Variants in AGMO observed in about 807,000 individuals in gnomAD.
The protein encoded by AGMO is glyceryl-ether monooxygenase.
In AGMO, 75 loss-of-function variants were observed where a neutral mutation model predicts 60.2. The observed-to-expected ratio is 1.25, with a 90% confidence interval of 1.03 to 1.51. The LOEUF (loss-of-function observed/expected upper bound fraction) is 1.51. Ranked by LOEUF, AGMO falls within the 40% of genes most tolerant of loss-of-function variation. The pLI is 0.00. For synonymous variants in AGMO, 261 were observed against 177.1 expected (o/e 1.47, Z -3.76); for missense variants, 763 against 525.5 (o/e 1.45, Z -4.42).
chr7:15,330,814 T>G (rs1238516947), intron 12 of AGMO, among the ~76,000 whole-genome samples: 1 of 151,584 alleles, frequency 6.6e-6, no homozygotes, highest in African/African-American at 2.4e-5. Flanking sequence ...CTCTCCTTAT[T>G]TTTTTTTAAT....
At chr7:15,380,985 G>A (rs925926827) in intron 10 of AGMO, among the ~76,000 whole-genome samples, 1 of 152,138 alleles carries the variant, frequency 6.6e-6, no homozygotes, top group African/African-American at 2.4e-5. Context: ...GCCATATGCA[G>A]AAGATTCAAA....
intron 3 of AGMO, among the ~76,000 whole-genome samples, chr7:15,485,160 A>AG: frequency 6.7e-6 from 1 of 150,332 alleles, no homozygotes; most frequent in South Asian, 2.1e-4. Context: ...AAAAAAAAAA[A>AG]GAAAAACATT....
the AGMO span, among the ~76,000 whole-genome samples, chr7:15,176,287 T>G: frequency 6.6e-6 from 1 of 151,942 alleles, no homozygotes; most frequent in African/African-American, 2.4e-5. Flanking sequence ...TGATGAAGAC[T>G]GGAATATAGA....
chr7:15,407,815 G>C (rs1337438948), intron 5 of AGMO, among the ~76,000 whole-genome samples: 3 of 151,762 alleles, frequency 2.0e-5, no homozygotes, highest in Non-Finnish European at 4.4e-5. Flanking sequence ...ATGAGAGAGA[G>C]AGTTAAGCAA....
At chr7:15,528,575 G>A (rs1202038970) in intron 3 of AGMO, among the ~76,000 whole-genome samples, 5 of 152,096 alleles carry the variant, frequency 3.3e-5, no homozygotes, top group African/African-American at 1.2e-4. Flanking sequence ...TTTGCAGAGA[G>A]TTCAGAAGAC....
At chr7:15,237,469 G>A (rs773259683) in intron 12 of AGMO, among the ~76,000 whole-genome samples, 11 of 151,750 alleles carry the variant, frequency 7.2e-5, no homozygotes, top group African/African-American at 2.4e-4. Context: ...AATATACTTC[G>A]GTTAGACCTA....
intron 10 of AGMO, among the ~76,000 whole-genome samples, chr7:15,369,454 G>A (rs1783115057): frequency 6.6e-6 from 1 of 152,010 alleles, no homozygotes; most frequent in Non-Finnish European, 1.5e-5. Context: ...AAATTTTCCT[G>A]TTCCTGGACA....
In AGMO at chr7:15,446,231, C is replaced by T. The variant is rs1485098692; in HGVS notation, c.410-15123G>A. ...AGTGCAATGTGAATTTGGGCAGCCACAAATCTATTCATAGATAACAAGACA... is the reference window on the plus strand; with the variant it reads ...AGTGCAATGTGAATTTGGGCAGCCATAAATCTATTCATAGATAACAAGACA... On this transcript the variant is annotated intron_variant, in intron 3 of 12. Coordinates refer to ENST00000342526, the MANE Select transcript of AGMO (RefSeq NM_001004320.2). 2.0e-5 allele frequency among the ~76,000 whole-genome samples: 3 copies of T among 152,120 alleles called. No individual in the cohort carries two copies. The East Asian group carries it at 5.8e-4, about 29-fold the overall frequency.
chr7:15,434,371 C>A (rs1781339547), intron 3 of AGMO, among the ~76,000 whole-genome samples: 1 of 152,102 alleles, frequency 6.6e-6, no homozygotes, highest in Admixed American at 6.6e-5. Context: ...GATTTAGTGA[C>A]TTTCTTCTAG....
At chr7:15,198,006 T>A (rs28532162), downstream of AGMO, among the ~76,000 whole-genome samples, 2 of 152,070 alleles carry the variant, frequency 1.3e-5, no homozygotes, top group African/African-American at 2.4e-5. Flanking sequence ...TAACAGCTCC[T>A]AACAGGATTG....
At chr7:15,220,647 G>A (rs1781891726) in intron 12 of AGMO, among the ~76,000 whole-genome samples, 1 of 151,632 alleles carries the variant, frequency 6.6e-6, no homozygotes, top group South Asian at 2.1e-4. Context: ...TATAAATCCA[G>A]TAATATTTTA....
chr7:15,366,385 T>C (rs1269379762), intron 10 of AGMO, among the ~76,000 whole-genome samples, 163 bp from the exon 11 acceptor site: 5 of 152,156 alleles, frequency 3.3e-5, no homozygotes, highest in Non-Finnish European at 7.4e-5. Context: ...TTTGGTTTTC[T>C]TAATGTCTTT....
At chr7:15,371,447 A>G (rs1208226203) in intron 10 of AGMO, among the ~76,000 whole-genome samples, 1 of 151,612 alleles carries the variant, frequency 6.6e-6, no homozygotes, top group African/African-American at 2.4e-5. Context: ...CTGGAGTGCA[A>G]TGGCGCCATC....
At chr7:15,494,188 C>T (rs904838984) in intron 3 of AGMO, among the ~76,000 whole-genome samples, 10 of 152,050 alleles carry the variant, frequency 6.6e-5, no homozygotes, top group East Asian at 1.9e-4. Context: ...CTTAAGACAA[C>T]AAGAAAGGGG....
intron 3 of AGMO, among the ~76,000 whole-genome samples, chr7:15,539,839 G>A (rs1053843177): frequency 6.6e-6 from 1 of 152,116 alleles, no homozygotes; most frequent in African/African-American, 2.4e-5. Context: ...TCTGACTAGT[G>A]TAAGAAGGTA....
chr7:15,329,240 C>T (rs1208528949), intron 12 of AGMO, among the ~76,000 whole-genome samples: 2 of 152,118 alleles, frequency 1.3e-5, no homozygotes, highest in South Asian at 2.1e-4. Flanking sequence ...TTAATTGTTT[C>T]GGTATACTAA....
chr7:15,349,658 G>A (rs995710177), intron 12 of AGMO, among the ~76,000 whole-genome samples: 1 of 152,082 alleles, frequency 6.6e-6, no homozygotes, highest in Non-Finnish European at 1.5e-5. Context: ...ACTCAAGACT[G>A]GGTAATTTAT....
the AGMO span, among the ~76,000 whole-genome samples, chr7:15,123,139 T>G: frequency 1.3e-5 from 2 of 152,056 alleles, no homozygotes; most frequent in African/African-American, 2.4e-5. Context: ...TTCCCAAATA[T>G]CTGCATAATC....
chr7:15,229,255 T>C (rs1212354421), intron 12 of AGMO, among the ~76,000 whole-genome samples: 1 of 152,232 alleles, frequency 6.6e-6, no homozygotes, highest in East Asian at 1.9e-4. Context: ...AATTTTATCA[T>C]GTCTATAACC....
Sources: gnomAD v4.1 joint callset for allele counts (sites outside exome capture counted in the v4.1 genomes callset) on GRCh38, gnomAD v4.1.1 for gene constraint, MANE v1.5 for transcripts, NCBI Gene and HGNC (gene_info 2026-07-23, HGNC 2026-07-21) for gene names.